CSMD1: variants seen among roughly 807,000 people sequenced by gnomAD.
CSMD1 encodes the protein CUB and sushi domain-containing protein 1.
A neutral mutation model predicts 417.5 loss-of-function variants in CSMD1; 213 were observed. That is an observed-to-expected ratio of 0.51 (90% CI 0.46 to 0.57). The LOEUF (loss-of-function observed/expected upper bound fraction) is 0.57, where lower values mean the gene tolerates loss of function less well. Ranked by LOEUF, CSMD1 falls within the 20% of genes least tolerant of loss-of-function variation. The pLI is 0.00. For missense variants in CSMD1, 6,923 were observed against 4,529.7 expected (o/e 1.53, Z -15.17); for synonymous variants, 2,862 against 1,736.8 (o/e 1.65, Z -16.11).
chr8:3,360,440 T>C (rs1563309782), intron 20 of CSMD1, among the ~76,000 whole-genome samples: 2 of 152,198 alleles, frequency 1.3e-5, no homozygotes, highest in South Asian at 2.1e-4. Flanking sequence ...GTTTTGACAG[T>C]GGGAAGTGAG....
intron 49 of CSMD1, among the ~76,000 whole-genome samples, chr8:3,059,205 T>C (rs933545680): frequency 7.4e-6 from 1 of 134,758 alleles, no homozygotes; most frequent in Admixed American, 7.4e-5. Context: ...TAAAAAAAAA[T>C]AAGGAAAAAT....
intron 5 of CSMD1, among the ~76,000 whole-genome samples, chr8:3,919,646 G>A (rs1001810780): frequency 6.6e-6 from 1 of 152,020 alleles, no homozygotes; most frequent in Non-Finnish European, 1.5e-5. Context: ...CAAATTTTAT[G>A]ACTTTTTTTT....
chr8:4,751,365 T>G (rs1373793825), intron 1 of CSMD1, among the ~76,000 whole-genome samples: 1 of 150,324 alleles, frequency 6.7e-6, no homozygotes, highest in Non-Finnish European at 1.5e-5. Flanking sequence ...CACTCCAGCC[T>G]GGACGACAGA....
At chr8:3,628,507 C>T (rs931034231) in intron 7 of CSMD1, among the ~76,000 whole-genome samples, 4 of 152,200 alleles carry the variant, frequency 2.6e-5, no homozygotes, top group Non-Finnish European at 4.4e-5. Flanking sequence ...AGCTATGATG[C>T]ACACAGTAAT....
intron 3 of CSMD1, among the ~76,000 whole-genome samples, chr8:4,203,821 C>T (rs1448476367): frequency 6.6e-6 from 1 of 152,112 alleles, no homozygotes; most frequent in Non-Finnish European, 1.5e-5. Flanking sequence ...AAAACTTGGT[C>T]AGGAGTCATG....
chr8:4,361,067 C>T (rs1801730957), intron 3 of CSMD1, among the ~76,000 whole-genome samples: 1 of 152,068 alleles, frequency 6.6e-6, no homozygotes, highest in Non-Finnish European at 1.5e-5. Context: ...TTTTCGTGCC[C>T]AACAGATGTT....
chr8:4,830,444 T>A (rs530357898), intron 1 of CSMD1, among the ~76,000 whole-genome samples: 112 of 152,330 alleles, frequency 7.4e-4, no homozygotes, highest in African/African-American at 2.6e-3. Flanking sequence ...ACTTACCGTT[T>A]CAGATAATGA....
chr8:3,570,347 T>C (rs990658207), intron 10 of CSMD1, among the ~76,000 whole-genome samples: 1 of 152,232 alleles, frequency 6.6e-6, no homozygotes, highest in African/African-American at 2.4e-5. Flanking sequence ...TCCTGGCTTC[T>C]AGATATTTCT....
chr8:4,618,645 G>A (rs560348191), intron 2 of CSMD1, among the ~76,000 whole-genome samples: 8 of 152,014 alleles, frequency 5.3e-5, no homozygotes, highest in Non-Finnish European at 7.4e-5. Flanking sequence ...TTGGGAAACC[G>A]TTAAATTATT....
chr8:4,221,398 A>C (rs1399147428), intron 3 of CSMD1, among the ~76,000 whole-genome samples: 2 of 151,662 alleles, frequency 1.3e-5, no homozygotes, highest in Admixed American at 6.6e-5. Flanking sequence ...AAAAAACAAC[A>C]CATTGACAGC....
At chr8:4,733,612 A>G (rs1277827463) in intron 1 of CSMD1, among the ~76,000 whole-genome samples, 2 of 152,226 alleles carry the variant, frequency 1.3e-5, no homozygotes, top group Admixed American at 1.3e-4. Flanking sequence ...AAAGGCCTGG[A>G]AAGCATTTTT....
intron 2 of CSMD1, among the ~76,000 whole-genome samples, chr8:4,501,303 T>C (rs543390535): frequency 2.0e-5 from 3 of 152,280 alleles, no homozygotes; most frequent in Admixed American, 1.3e-4. Context: ...AAAACATGAA[T>C]GATTGTTTTG....
rs113160273 is a variant in CSMD1, at chr8:4,043,026, G to T, written c.416-10927C>A. ...TTGCACCTGTAGTCCCAGCTACTTG[G>T]GAGGTTGAAGCAGGAGAATCACTTG... On this transcript the variant is annotated intron_variant, in intron 3 of 69. Transcript: ENST00000635120. Among the ~76,000 whole-genome samples, 325 of 152,026 alleles carry T rather than the reference G, an allele frequency of 2.1e-3. 3 individuals carry two copies. The highest frequency in any genetic ancestry group is 6.8e-3 in the Middle Eastern group (2 of 292).
At chr8:3,520,768 C>G (rs1797473979) in intron 10 of CSMD1, among the ~76,000 whole-genome samples, 1 of 152,020 alleles carries the variant, frequency 6.6e-6, no homozygotes, top group African/African-American at 2.4e-5. Context: ...TTATCACCAG[C>G]CAGTCTCCAA....
chr8:4,822,255 G>C (rs945140241), intron 1 of CSMD1, among the ~76,000 whole-genome samples: 7 of 152,224 alleles, frequency 4.6e-5, no homozygotes, highest in Middle Eastern at 3.4e-3. Context: ...TTGCTAACTA[G>C]AGGATCCGAT....
At chr8:3,023,891 C>T (rs1173677386) in intron 51 of CSMD1, among the ~76,000 whole-genome samples, 2 of 151,412 alleles carry the variant, frequency 1.3e-5, no homozygotes, top group African/African-American at 4.9e-5. Context: ...TGCTCCTTAC[C>T]TGCACCAATG....
At chr8:3,809,340 T>C (rs1022409600) in intron 5 of CSMD1, among the ~76,000 whole-genome samples, 1 of 152,206 alleles carries the variant, frequency 6.6e-6, no homozygotes, top group African/African-American at 2.4e-5. Context: ...TCGATAAATA[T>C]TTGTTTACGC....
At position 4,278,113 on chromosome 8, in the gene CSMD1, T is replaced by G. The variant is rs1257369847; in HGVS notation, c.415+141840A>C. On this transcript the variant is annotated intron_variant, in intron 3 of 69. Coordinates refer to ENST00000635120, the MANE Select transcript of CSMD1 (RefSeq NM_033225.6). ...TTATAAAATCCTTTATGGTTCTCTT[T>G]CTCCTTATGCTCATATAACTTCCAC... 3.3e-5 allele frequency among the ~76,000 whole-genome samples: 5 copies of G among 152,302 alleles called. No individual in the cohort carries two copies. The East Asian group carries it at 9.6e-4, about 29-fold the overall frequency.
At chr8:3,635,244 G>C (rs768681641) in intron 7 of CSMD1, among the ~76,000 whole-genome samples, 2 of 152,002 alleles carry the variant, frequency 1.3e-5, no homozygotes, top group African/African-American at 2.4e-5. Flanking sequence ...CAGAATCCTA[G>C]GTGGGTGGAT....
Sources: allele counts gnomAD v4.1 joint callset (sites outside exome capture counted in the v4.1 genomes callset), GRCh38; gene constraint gnomAD v4.1.1; transcripts MANE v1.5; gene names NCBI Gene and HGNC (gene_info 2026-07-23, HGNC 2026-07-21).